ARHGEF3: variants seen among roughly 807,000 people sequenced by gnomAD.
ARHGEF3 encodes Rho guanine nucleotide exchange factor 3, also known as 59.8 kDA protein.
Under a neutral mutation model 63.2 loss-of-function variants are expected in ARHGEF3, and 28 were observed. The ratio of observed to expected loss-of-function variants is 0.44; its 90% CI spans 0.33 to 0.61. The LOEUF is 0.61. Ranked by LOEUF, ARHGEF3 falls within the 20% of genes least tolerant of loss-of-function variation. ARHGEF3 has a pLI of 0.03. For synonymous variants in ARHGEF3, 266 were observed against 254.2 expected (o/e 1.05, Z -0.44); for missense variants, 533 against 659.3 (o/e 0.81, Z 2.10).
intron 3 of ARHGEF3, among the ~76,000 whole-genome samples, chr3:56,926,460 C>T (rs961708717): frequency 7.2e-5 from 11 of 152,224 alleles, no homozygotes; most frequent in African/African-American, 2.7e-4. Context: ...CAGTACTAGT[C>T]AGATGCTTTT....
At chr3:56,769,837 C>CCAGACA (rs1559923037) in intron 2 of ARHGEF3, among the ~76,000 whole-genome samples, 7 of 152,148 alleles carry the variant, frequency 4.6e-5, no homozygotes, top group Non-Finnish European at 8.8e-5. Context: ...TCTAAGGTGT[C>CCAGACA]AGAAGCCAGG....
intron 2 of ARHGEF3, among the ~76,000 whole-genome samples, chr3:56,977,622 A>C (rs1268944846): frequency 1.3e-5 from 2 of 152,162 alleles, no homozygotes; most frequent in African/African-American, 4.8e-5. Flanking sequence ...ACAGGCTGAC[A>C]GGGAGATGGG....
chr3:57,028,599 A>G (rs865952777), intron 2 of ARHGEF3, among the ~76,000 whole-genome samples: 5 of 131,218 alleles, frequency 3.8e-5, no homozygotes, highest in Middle Eastern at 3.5e-3. Flanking sequence ...GCTAGATGAC[A>G]AGTTAGTGGG....
chr3:56,771,370 A>G (rs567144513), intron 2 of ARHGEF3, among the ~76,000 whole-genome samples: 65 of 152,330 alleles, frequency 4.3e-4, no homozygotes, highest in African/African-American at 1.5e-3. Flanking sequence ...CTGAGAAGCC[A>G]AAAGAAAGAT....
At chr3:56,942,975 G>A (rs1578901457) in intron 3 of ARHGEF3, among the ~76,000 whole-genome samples, 1 of 152,218 alleles carries the variant, frequency 6.6e-6, no homozygotes, top group Non-Finnish European at 1.5e-5. Context: ...GCTAACAGAG[G>A]TTGGTTAGTT....
intron 2 of ARHGEF3, among the ~76,000 whole-genome samples, chr3:56,964,038 C>T (rs1700387434): frequency 6.6e-6 from 1 of 152,136 alleles, no homozygotes; most frequent in Non-Finnish European, 1.5e-5. Context: ...CTCTTTATTT[C>T]CTCATAAATT....
chr3:56,910,137 C>A (rs763125159), intron 3 of ARHGEF3, among the ~76,000 whole-genome samples: 1 of 152,202 alleles, frequency 6.6e-6, no homozygotes, highest in African/African-American at 2.4e-5. Context: ...ATCTCCTTTA[C>A]CCAACTCCAG....
At chr3:56,968,331 T>TA (rs1700754320) in intron 2 of ARHGEF3, among the ~76,000 whole-genome samples, 3 of 55,226 alleles carry the variant, frequency 5.4e-5, no homozygotes, top group African/African-American at 1.8e-4. Context: ...TTTATATATA[T>TA]ATAATATATA....
At chr3:57,009,644 G>A (rs991203828) in intron 2 of ARHGEF3, among the ~76,000 whole-genome samples, 2 of 152,162 alleles carry the variant, frequency 1.3e-5, no homozygotes, top group Admixed American at 6.5e-5. Flanking sequence ...GGAAACAAAT[G>A]AGAGTGCGTG....
In ARHGEF3 at chr3:57,056,622, T is replaced by C. The variant is rs149298463; in HGVS notation, c.-27-21446A>G. 3.0e-3 allele frequency among the ~76,000 whole-genome samples: 460 copies of C among 152,214 alleles called. 1 individual carries two copies. The highest frequency in any genetic ancestry group is 4.6e-3 in the Non-Finnish European group (313 of 68,012). On this transcript the variant is annotated intron_variant, in intron 1 of 12. Transcript: ENST00000338458. The stretch of plus-strand genomic sequence containing the variant: ...ATGACGAGGAGTGGAAAGGGCATGT[T>C]AGTTAAGGCAAGAAGAGATGTGGAT...
intron 7 of ARHGEF3, among the ~76,000 whole-genome samples, chr3:56,740,169 A>AT (rs2033922481): frequency 1.4e-5 from 2 of 142,348 alleles, no homozygotes; most frequent in Non-Finnish European, 3.0e-5. Context: ...AAGTGCTGGG[A>AT]TTACAGGCAT....
chr3:56,846,575 G>A (rs1053960238), intron 4 of ARHGEF3, among the ~76,000 whole-genome samples: 6 of 152,136 alleles, frequency 3.9e-5, no homozygotes, highest in Non-Finnish European at 8.8e-5. Flanking sequence ...TAAATTGCTG[G>A]GAATGGGCTC....
intron 4 of ARHGEF3, among the ~76,000 whole-genome samples, chr3:56,816,428 A>T (rs2038273245): frequency 6.6e-6 from 1 of 152,174 alleles, no homozygotes; most frequent in South Asian, 2.1e-4. Context: ...AACAAATAGC[A>T]CTAGAATTAC....
At chr3:56,990,899 G>A (rs538491690) in intron 2 of ARHGEF3, among the ~76,000 whole-genome samples, 4 of 152,290 alleles carry the variant, frequency 2.6e-5, no homozygotes, top group African/African-American at 9.6e-5. Flanking sequence ...AAGGGGTCAG[G>A]TGAGGGGTGA....
At chr3:56,960,552 CT>C (rs1219240913) in intron 2 of ARHGEF3, 1 of 152,318 alleles carries the variant, frequency 6.6e-6, no homozygotes, top group Non-Finnish European at 1.5e-5. Context: ...CGTGGTGCCC[CT>C]GTCCCCCTTT....
At chr3:57,019,407 G>A (rs753315601) in intron 2 of ARHGEF3, among the ~76,000 whole-genome samples, 1 of 152,052 alleles carries the variant, frequency 6.6e-6, no homozygotes, top group Non-Finnish European at 1.5e-5. Context: ...GTCTTTCTCA[G>A]CCTCGGTGTG....
intron 4 of ARHGEF3, among the ~76,000 whole-genome samples, chr3:56,815,998 G>C (rs2038255220): frequency 6.6e-6 from 1 of 152,158 alleles, no homozygotes; most frequent in Non-Finnish European, 1.5e-5. Context: ...AGGATCACTT[G>C]AGGCCAGAAA....
chr3:56,776,914 T>A (rs1380143836), intron 1 of ARHGEF3, among the ~76,000 whole-genome samples: 1 of 152,116 alleles, frequency 6.6e-6, no homozygotes, highest in Non-Finnish European at 1.5e-5. Context: ...GGTATCTCAC[T>A]AAAGTTTAAA....
intron 4 of ARHGEF3, among the ~76,000 whole-genome samples, chr3:56,872,663 C>A (rs2040466893): frequency 6.6e-6 from 1 of 152,108 alleles, no homozygotes; most frequent in South Asian, 2.1e-4. Flanking sequence ...GCATGCACCC[C>A]CAAGCCCAGC....
Sources: gnomAD v4.1 joint callset for allele counts (sites outside exome capture counted in the v4.1 genomes callset) on GRCh38, gnomAD v4.1.1 for gene constraint, MANE v1.5 for transcripts, NCBI Gene and HGNC (gene_info 2026-07-23, HGNC 2026-07-21) for gene names.